Variants in DNM2 observed in about 807,000 individuals in gnomAD.
The protein encoded by DNM2 is dynamin 2.
DNM2 carries 15 observed loss-of-function variants against 99.0 expected under a neutral mutation model. The ratio of observed to expected loss-of-function variants is 0.15; its 90% CI spans 0.10 to 0.23. The LOEUF (loss-of-function observed/expected upper bound fraction) is 0.23, where lower values mean the gene tolerates loss of function less well. Among genes scored for constraint, DNM2 ranks in the 10% least tolerant of loss-of-function variants. The pLI is 1.00. For missense variants in DNM2, 742 were observed against 1,189.4 expected (o/e 0.62, Z 5.53); for synonymous variants, 525 against 481.2 (o/e 1.09, Z -1.19).
chr19:10,757,959 A>G (rs558590064), intron 1 of DNM2, among the ~76,000 whole-genome samples: 27 of 151,818 alleles, frequency 1.8e-4, no homozygotes, highest in Middle Eastern at 3.4e-3. Flanking sequence ...AAAAAAAAAA[A>G]AAAAAAGAAA....
rs754309970 is a variant in DNM2, at chr19:10,812,224, C to T, written c.1558-40C>T. ...GCTGCGCTGGGGGATGGCTGGGGCA[C>T]GGAGCGAGGTTCCCTGCTAAGCTGC... On this transcript the variant is annotated intron_variant, in intron 14 of 20. Transcript: ENST00000389253. This position sits in a 1 kb window ranked among gnomAD's most constrained non-coding sequence, Gnocchi z 4.0. The T allele has an allele frequency of 3.0e-5, 45 of 1,522,832 alleles. No individual in the cohort carries two copies. The East Asian group carries it at 5.6e-4, about 19-fold the overall frequency. The allele number at this position is 1,522,832 out of a possible 1,614,324, so 94.3% of individuals were successfully genotyped here.
chr19:10,823,936 C>A (rs781770023), intron 17 of DNM2, 37 bp downstream of exon 17: 38 of 1,602,934 alleles, frequency 2.4e-5, no homozygotes, highest in Non-Finnish European at 3.0e-5. Flanking sequence ...CCCAGAGCCC[C>A]CACCTGGGAG....
intron 1 of DNM2, 140 bp from the exon 2 acceptor site, chr19:10,759,598 C>A: frequency 3.1e-6 from 3 of 973,892 alleles, no homozygotes; most frequent in Non-Finnish European, 5.0e-6. Context: ...CCAGAGCATT[C>A]CCCAGGGCCC....
intron 14 of DNM2, 60 bp downstream of exon 14, chr19:10,808,640 GC>G: frequency 6.4e-7 from 1 of 1,555,074 alleles, no homozygotes; most frequent in East Asian, 2.3e-5. Context: ...TGGAGACCCC[GC>G]CCACCCCTAA....
chr19:10,807,133 C>T (rs1335915864), intron 13 of DNM2, among the ~76,000 whole-genome samples: 4 of 152,114 alleles, frequency 2.6e-5, no homozygotes, highest in South Asian at 2.1e-4. Flanking sequence ...AGTGCAGTGG[C>T]GCAATCTTGG....
At chr19:10,739,366 A>C (rs2069653956) in intron 1 of DNM2, among the ~76,000 whole-genome samples, 1 of 152,210 alleles carries the variant, frequency 6.6e-6, no homozygotes, top group Admixed American at 6.6e-5. Context: ...CAGCACCACT[A>C]TCTGATTTTG....
chr19:10,751,597 C>T (rs948545460), intron 1 of DNM2, among the ~76,000 whole-genome samples: 1 of 152,290 alleles, frequency 6.6e-6, no homozygotes, highest in East Asian at 1.9e-4. Flanking sequence ...GGGCTCATTT[C>T]GGAGGCAGTC....
intron 1 of DNM2, among the ~76,000 whole-genome samples, chr19:10,726,123 G>A (rs532803970): frequency 3.1e-4 from 47 of 152,026 alleles, no homozygotes; most frequent in African/African-American, 1.1e-3. Context: ...GGAGGCTGAG[G>A]CAGGAGAATC....
At chr19:10,747,736 G>T (rs1432977167) in intron 1 of DNM2, among the ~76,000 whole-genome samples, 1 of 152,210 alleles carries the variant, frequency 6.6e-6, no homozygotes, top group African/African-American at 2.4e-5. Flanking sequence ...ACTCTAATAG[G>T]ATGTTGAGGT....
rs990912217 is a variant in DNM2, at chr19:10,775,609, G to T, written c.386-94G>T. On this transcript the variant is annotated intron_variant, in intron 3 of 20. Coordinates refer to ENST00000389253, the MANE Select transcript of DNM2 (RefSeq NM_001005361.3). This position sits in a 1 kb window ranked among gnomAD's most constrained non-coding sequence, Gnocchi z 4.3. ...CGACATCCTCAAGTCTGAGCCCCGCGCAGGAACTTTGGTAGTCAGCTGGGT... is the reference window on the plus strand; with the variant it reads ...CGACATCCTCAAGTCTGAGCCCCGCTCAGGAACTTTGGTAGTCAGCTGGGT... 2.1e-6 allele frequency: 3 copies of T among 1,401,912 alleles called. No homozygotes were observed. The highest frequency in any genetic ancestry group is 2.0e-6 in the Non-Finnish European group (2 of 990,212). The allele number at this position is 1,401,912 out of a possible 1,614,324, so 86.8% of individuals were successfully genotyped here.
intron 1 of DNM2, among the ~76,000 whole-genome samples, chr19:10,735,694 A>G (rs577290467): frequency 2.0e-5 from 3 of 151,376 alleles, no homozygotes; most frequent in African/African-American, 4.8e-5. Context: ...TTTTTTTTCA[A>G]GAGATGGGGT....
rs968305088 is a variant in DNM2 at position 10,831,098 on chromosome 19, G to A, written c.*51G>A. The A allele has an allele frequency of 1.9e-5, 30 of 1,549,366 alleles. No homozygotes were observed. Among genetic ancestry groups the A allele is most frequent in the Middle Eastern group, 1.8e-4 (1 of 5,538 alleles). On this transcript the variant is annotated 3_prime_UTR_variant, in exon 21 of 21. Coordinates refer to ENST00000389253, the MANE Select transcript of DNM2 (RefSeq NM_001005361.3). The surrounding 1 kb of genome is among the most constrained non-coding windows in gnomAD (Gnocchi z 4.3). ...GGGGCCTCACGCACCCGCGGCGCAG[G>A]AGCTTCAGTGGTCTGGGGCCCTCCG...
chr19:10,769,245 C>T (rs1432285797), intron 2 of DNM2: 1 of 152,368 alleles, frequency 6.6e-6, no homozygotes, highest in Non-Finnish European at 1.5e-5. Flanking sequence ...TGGGCAGGCC[C>T]TCTGACTACA....
rs2073102023 is a variant in DNM2 at position 10,825,210 on chromosome 19, A to G, written c.2047A>G (p.Met683Val). The G allele has an allele frequency of 6.2e-7, 1 of 1,613,946 alleles. No individual in the cohort carries two copies. Among genetic ancestry groups the G allele is most frequent in the Non-Finnish European group, 8.5e-7 (1 of 1,179,948 alleles). Residue 683 changes from methionine to valine, a missense_variant, in exon 18 of 21, where the codon ATG becomes GTG. Met to Val is a conservative substitution (Grantham distance 21). Around this residue, in one of 7 missense-constraint regions of DNM2, gnomAD observed 240 missense variants for 431.3 expected, o/e 0.56. Transcript: ENST00000389253. The stretch of plus-strand genomic sequence containing the variant: ...CATGCCAAAGACCATCATGCACCTC[A>G]TGATCAACAATGTGAGTGGAGAACT... ...DLMPKTIMHL[M>V]INNTKAFIHH...
chr19:10,782,838 A>T (rs764989894), intron 5 of DNM2, 122 bp from the exon 6 acceptor site: 21 of 1,351,910 alleles, frequency 1.6e-5, no homozygotes, highest in Non-Finnish European at 2.2e-5. Context: ...GTAACATGTT[A>T]TGACAGCTGT....
In DNM2 at chr19:10,823,930, G is replaced by GC. The variant is rs138202845; in HGVS notation, c.1893+31_1893+32insC. 0.042 allele frequency: 67,059 copies of GC among 1,609,358 alleles called. 4,515 individuals carry two copies. The highest frequency in any genetic ancestry group is 0.36 in the East Asian group (16,325 of 44,784). On this transcript the variant is annotated intron_variant, in intron 17 of 20. Transcript: ENST00000389253. The stretch of plus-strand genomic sequence containing the variant: ...GAGCCGTCCTGCGCAGCCAGGCCCA[G>GC]AGCCCCCACCTGGGAGAGGAAGCAG...
intron 1 of DNM2, among the ~76,000 whole-genome samples, chr19:10,731,542 T>A (rs932463061): frequency 6.6e-6 from 1 of 151,930 alleles, no homozygotes; most frequent in Non-Finnish European, 1.5e-5. Context: ...TTAGTAGAGA[T>A]GGGGTTTTGC....
At chr19:10,729,065 A>G (rs1022480534) in intron 1 of DNM2, among the ~76,000 whole-genome samples, 5 of 124,382 alleles carry the variant, frequency 4.0e-5, no homozygotes, top group African/African-American at 1.5e-4. Context: ...TACTAAAAAT[A>G]TAGGCAGGAG....
intron 10 of DNM2, 86 bp from the exon 11 acceptor site, chr19:10,798,400 C>A (rs1050334339): frequency 6.9e-6 from 7 of 1,012,300 alleles, no homozygotes; most frequent in East Asian, 2.5e-5. Flanking sequence ...TCCCCACCCC[C>A]CTCCGCATTT....
Sources: allele counts gnomAD v4.1 joint callset (sites outside exome capture counted in the v4.1 genomes callset), GRCh38; gene constraint gnomAD v4.1.1; regional missense constraint gnomAD v4.1.1; non-coding constraint Gnocchi (gnomAD v3.1); transcripts MANE v1.5; gene names NCBI Gene and HGNC (gene_info 2026-07-23, HGNC 2026-07-21).